Variants in TRAPPC9 observed in about 807,000 individuals in gnomAD.
TRAPPC9 encodes trafficking protein particle complex subunit 9.
In TRAPPC9, 83 loss-of-function variants were observed where a neutral mutation model predicts 124.0. The observed-to-expected ratio is 0.67, with a 90% CI of 0.56 to 0.80. The LOEUF (loss-of-function observed/expected upper bound fraction) is 0.80, where lower values mean the gene tolerates loss of function less well. Ranked by LOEUF, TRAPPC9 falls within the 30% of genes least tolerant of loss-of-function variation. The pLI is 0.00. For synonymous variants in TRAPPC9, 638 were observed against 617.5 expected, an observed-to-expected ratio of 1.03 and a Z score of -0.49; for missense variants, 1,302 against 1,508.3, an observed-to-expected ratio of 0.86 and a Z score of 2.27.
rs1282064168 is a variant in TRAPPC9 at position 140,363,903 on chromosome 8, C to T, written c.1352-3710G>A. Among the ~76,000 whole-genome samples the T allele has an allele frequency of 2.0e-5, 3 of 152,234 alleles. No homozygotes were observed. The East Asian group carries it at 5.8e-4, about 29-fold the overall frequency. On this transcript the variant is annotated intron_variant, in intron 8 of 22. Coordinates refer to ENST00000438773, the MANE Select transcript of TRAPPC9 (RefSeq NM_001160372.4). ...GTCAGCCACTGCACCCGGCCCCAAA[C>T]ATTTTTCAAATGTATTTACAAATCA... is the stretch of plus-strand genomic sequence containing the variant.
At chr8:140,005,385 A>G (rs1458045885) in intron 18 of TRAPPC9, among the ~76,000 whole-genome samples, 3 of 152,196 alleles carry the variant, frequency 2.0e-5, no homozygotes, top group African/African-American at 7.2e-5. Context: ...GCACCAGCAC[A>G]TGAAGCACAG....
chr8:139,821,880 A>G (rs1256202297), intron 21 of TRAPPC9, among the ~76,000 whole-genome samples: 1 of 152,190 alleles, frequency 6.6e-6, no homozygotes, highest in South Asian at 2.1e-4. Context: ...AGTTCTCCCC[A>G]TGGAGCTCGA....
chr8:140,227,168 G>C (rs1001814389), intron 16 of TRAPPC9, among the ~76,000 whole-genome samples: 35 of 151,742 alleles, frequency 2.3e-4, no homozygotes, highest in Non-Finnish European at 1.2e-4. Flanking sequence ...GAGGGATGGC[G>C]AGAGATGAGA....
At chr8:139,871,467 G>C (rs942126818) in intron 21 of TRAPPC9, among the ~76,000 whole-genome samples, 2 of 152,132 alleles carry the variant, frequency 1.3e-5, no homozygotes, top group Admixed American at 6.5e-5. Context: ...GTCTGCCCCA[G>C]CCCCGCGAGC....
intron 21 of TRAPPC9, among the ~76,000 whole-genome samples, chr8:139,801,084 AGTATCTTCCCTCCCTCTG>A (rs1053136724): frequency 2.4e-5 from 3 of 126,586 alleles, no homozygotes; most frequent in African/African-American, 4.5e-5. Flanking sequence ...CCCTCCCTCC[AGTATCTTCCCTCCCTCTG>A]GTATCTTCCC....
At chr8:140,269,283 T>TTTGG (rs1449807361) in intron 15 of TRAPPC9, among the ~76,000 whole-genome samples, 1 of 152,058 alleles carries the variant, frequency 6.6e-6, no homozygotes, top group Non-Finnish European at 1.5e-5. Flanking sequence ...GGCTCATGCC[T>TTTGG]GTAATCCCAG....
intron 4 of TRAPPC9, among the ~76,000 whole-genome samples, chr8:140,432,816 G>A (rs1174763105): frequency 6.6e-6 from 1 of 151,734 alleles, no homozygotes; most frequent in Non-Finnish European, 1.5e-5. Context: ...AGGTTGCAGT[G>A]AGCCGAGATC....
intron 6 of TRAPPC9, among the ~76,000 whole-genome samples, chr8:140,402,490 T>G (rs2069313294): frequency 6.6e-6 from 1 of 151,262 alleles, no homozygotes; most frequent in Non-Finnish European, 1.5e-5. Flanking sequence ...AGCCAGAAGT[T>G]CAAGACAAGC....
intron 20 of TRAPPC9, among the ~76,000 whole-genome samples, chr8:139,893,262 G>A (rs542638922): frequency 1.4e-4 from 22 of 152,262 alleles, no homozygotes; most frequent in African/African-American, 5.1e-4. Flanking sequence ...TCCTCACGGC[G>A]TGCCGCAGAC....
At chr8:140,199,122 C>T (rs1275732945) in intron 17 of TRAPPC9, among the ~76,000 whole-genome samples, 1 of 152,104 alleles carries the variant, frequency 6.6e-6, no homozygotes, top group African/African-American at 2.4e-5. Context: ...GTATGGCTCA[C>T]AGCTTCTCAA....
At chr8:139,744,737 G>A (rs547778728) in intron 21 of TRAPPC9, among the ~76,000 whole-genome samples, 52 of 152,362 alleles carry the variant, frequency 3.4e-4, no homozygotes, top group African/African-American at 1.2e-3. Context: ...CTGGCATCCT[G>A]GGAGGGCGGT....
chr8:139,752,842 A>G (rs1819422026), intron 21 of TRAPPC9, among the ~76,000 whole-genome samples: 1 of 144,968 alleles, frequency 6.9e-6, no homozygotes, highest in Admixed American at 6.8e-5. Flanking sequence ...CCCATCTACC[A>G]TCCATCCATC....
At chr8:139,734,500 A>T (rs1236557102) in intron 21 of TRAPPC9, among the ~76,000 whole-genome samples, 3 of 152,206 alleles carry the variant, frequency 2.0e-5, no homozygotes, top group African/African-American at 7.2e-5. Flanking sequence ...AGGCAGATGA[A>T]ATGGGTGGCA....
At chr8:139,779,156 T>A (rs912730017) in intron 21 of TRAPPC9, among the ~76,000 whole-genome samples, 2 of 152,114 alleles carry the variant, frequency 1.3e-5, no homozygotes, top group African/African-American at 4.8e-5. Flanking sequence ...ACAGCCAATT[T>A]CATATCACAA....
chr8:140,410,299 G>A (rs1351121682), intron 5 of TRAPPC9, among the ~76,000 whole-genome samples: 1 of 152,108 alleles, frequency 6.6e-6, no homozygotes, highest in African/African-American at 2.4e-5. Flanking sequence ...CCTTTAGGAG[G>A]CTGCGGCAGA....
At chr8:140,418,253 T>G (rs539232567) in intron 5 of TRAPPC9, among the ~76,000 whole-genome samples, 1 of 152,296 alleles carries the variant, frequency 6.6e-6, no homozygotes, top group African/African-American at 2.4e-5. Flanking sequence ...CTGTCTTCAA[T>G]GGTGAATTCT....
intron 16 of TRAPPC9, among the ~76,000 whole-genome samples, chr8:140,250,616 T>C (rs1012869477): frequency 6.6e-6 from 1 of 152,168 alleles, no homozygotes; most frequent in African/African-American, 2.4e-5. Context: ...GCAGCCTCCA[T>C]GGACCAAGCT....
At chr8:140,310,476 C>A (rs985868137) in intron 10 of TRAPPC9, among the ~76,000 whole-genome samples, 10 of 152,194 alleles carry the variant, frequency 6.6e-5, no homozygotes, top group Non-Finnish European at 1.5e-4. Context: ...ATTCAGAAAT[C>A]ACCTCACAAG....
chr8:140,229,386 C>T (rs576100639), intron 16 of TRAPPC9, among the ~76,000 whole-genome samples: 63 of 149,968 alleles, frequency 4.2e-4, no homozygotes, highest in Non-Finnish European at 7.5e-4. Flanking sequence ...CTCAGCCTCC[C>T]GAGTAGCTAG....
Sources: allele counts gnomAD v4.1 joint callset (sites outside exome capture counted in the v4.1 genomes callset), GRCh38; gene constraint gnomAD v4.1.1; transcripts MANE v1.5; gene names NCBI Gene and HGNC (gene_info 2026-07-23, HGNC 2026-07-21).